The following TOPAZ1 variants were observed in gnomAD, a reference collection of about 807,000 sequenced individuals.
The protein encoded by TOPAZ1 is protein TOPAZ1.
A neutral mutation model predicts 172.2 loss-of-function variants in TOPAZ1; 66 were observed. The observed-to-expected ratio is 0.38, with a 90% CI of 0.31 to 0.47. TOPAZ1 has a LOEUF of 0.47. TOPAZ1 is among the 20% of genes least tolerant of loss of function. TOPAZ1 has a pLI of 0.99. For synonymous variants in TOPAZ1, 681 were observed against 683.9 expected, an observed-to-expected ratio of 1.00 and a Z score of 0.07; for missense variants, 1,822 against 1,972.4, an observed-to-expected ratio of 0.92 and a Z score of 1.44.
chr3:44,247,177 A>G (rs1281519700), intron 2 of TOPAZ1, among the ~76,000 whole-genome samples: 3 of 152,232 alleles, frequency 2.0e-5, no homozygotes, highest in African/African-American at 4.8e-5. Flanking sequence ...GTCTATACAT[A>G]TAAGTGGATA....
intron 12 of TOPAZ1, among the ~76,000 whole-genome samples, chr3:44,296,602 T>C (rs570399780): frequency 6.6e-6 from 1 of 151,910 alleles, no homozygotes; most frequent in South Asian, 2.1e-4. Context: ...AAAACAAAGT[T>C]GATGCAATAT....
At chr3:44,276,947 C>A (rs1030619486) in intron 8 of TOPAZ1, among the ~76,000 whole-genome samples, 2 of 151,818 alleles carry the variant, frequency 1.3e-5, no homozygotes, top group Non-Finnish European at 2.9e-5. Context: ...TATGTCACCA[C>A]GCCCAGCTAA....
downstream of TOPAZ1, among the ~76,000 whole-genome samples, chr3:44,336,365 G>C (rs1700726509): frequency 6.6e-6 from 1 of 152,232 alleles, no homozygotes. Flanking sequence ...CAATATCCAT[G>C]AGGAAAATGG....
At chr3:44,250,712 G>A (rs1212107724) in intron 2 of TOPAZ1, among the ~76,000 whole-genome samples, 1 of 152,128 alleles carries the variant, frequency 6.6e-6, no homozygotes, top group Non-Finnish European at 1.5e-5. Flanking sequence ...AACTACCGCA[G>A]AACATTATTT....
At chr3:44,249,840 AT>A (rs1699609188) in intron 2 of TOPAZ1, among the ~76,000 whole-genome samples, 1 of 152,166 alleles carries the variant, frequency 6.6e-6, no homozygotes, top group Non-Finnish European at 1.5e-5. Context: ...GGGAAATAAG[AT>A]TTTATAAGTA....
At chr3:44,287,114 G>A (rs903495750) in intron 9 of TOPAZ1, among the ~76,000 whole-genome samples, 1 of 152,114 alleles carries the variant, frequency 6.6e-6, no homozygotes, top group African/African-American at 2.4e-5. Context: ...TCATATTGAC[G>A]CTATGATGTA....
At chr3:44,304,711 CA>C (rs1468056244) in intron 13 of TOPAZ1, among the ~76,000 whole-genome samples, 1 of 151,982 alleles carries the variant, frequency 6.6e-6, no homozygotes, top group Non-Finnish European at 1.5e-5. Flanking sequence ...ACGTAGTGTC[CA>C]AAACGATATG....
Position 44,243,190 on chromosome 3 carries a change from T to TTGCAATTGG in TOPAZ1, c.692_693insGTGCAATTG (p.Asn230_Cys231insTrpCysAsn). On this transcript the variant is annotated inframe_insertion, in exon 2 of 20. Coordinates refer to ENST00000309765, the MANE Select transcript of TOPAZ1 (RefSeq NM_001145030.2). ...ATAATTCCGTTTTAAAATTACGTGA[T>TTGCAATTGG]TGCAATTGTTTCCCCCATTCCAAGG... 6.5e-7 allele frequency: 1 copy of TTGCAATTGG among 1,548,678 alleles called. No homozygotes were observed. Among genetic ancestry groups the TTGCAATTGG allele is most frequent in the Non-Finnish European group, 8.7e-7 (1 of 1,146,072 alleles).
At position 44,249,277 on chromosome 3, in the gene TOPAZ1, C is replaced by T. The variant is rs1437318357; in HGVS notation, c.2765+4006C>T. ...GAGTGGGGGACTAATGTGTTTTAAA[C>T]AAAAGTATATAAACTGAAGTACTAA... is the stretch of plus-strand genomic sequence containing the variant. On this transcript the variant is annotated intron_variant, in intron 2 of 19. Coordinates refer to ENST00000309765, the MANE Select transcript of TOPAZ1 (RefSeq NM_001145030.2). Among the ~76,000 whole-genome samples the T allele has an allele frequency of 2.0e-5, 3 of 151,146 alleles. No homozygotes were observed. The East Asian group carries it at 5.8e-4, about 29-fold the overall frequency.
intron 6 of TOPAZ1, among the ~76,000 whole-genome samples, chr3:44,267,884 A>G (rs1699849751): frequency 6.6e-6 from 1 of 152,212 alleles, no homozygotes; most frequent in South Asian, 2.1e-4. Flanking sequence ...ATACTATAAC[A>G]GCAAGCCCAT....
chr3:44,286,943 G>T (rs1368746314), intron 9 of TOPAZ1, among the ~76,000 whole-genome samples: 1 of 152,174 alleles, frequency 6.6e-6, no homozygotes, highest in African/African-American at 2.4e-5. Flanking sequence ...CCATGACAAG[G>T]CAGGGAGAAG....
intron 9 of TOPAZ1, among the ~76,000 whole-genome samples, chr3:44,287,110 T>G (rs1282142439): frequency 2.0e-5 from 3 of 152,230 alleles, no homozygotes; most frequent in Non-Finnish European, 2.9e-5. Flanking sequence ...GAGCTCATAT[T>G]GACGCTATGA....
chr3:44,325,166 A>G (rs1289906668), intron 18 of TOPAZ1, among the ~76,000 whole-genome samples: 1 of 152,094 alleles, frequency 6.6e-6, no homozygotes, highest in East Asian at 1.9e-4. Context: ...CTCCTTTTGG[A>G]TTTATTTTCA....
At chr3:44,301,532 T>C (rs778814986) in intron 12 of TOPAZ1, among the ~76,000 whole-genome samples, 4 of 152,216 alleles carry the variant, frequency 2.6e-5, no homozygotes, top group Non-Finnish European at 4.4e-5. Context: ...CTTTCTAACA[T>C]AATGTGTTAG....
rs9846786 is a variant in TOPAZ1, at chr3:44,271,841, A to G, written c.3372+1031A>G. Among the ~76,000 whole-genome samples the G allele has an allele frequency of 8.1e-3, 1,225 of 151,406 alleles. 17 individuals are homozygous for G. The highest frequency in any genetic ancestry group is 0.028 in the African/African-American group (1,174 of 41,332). Reference sequence around the variant, plus strand: ...CCACTCCATACAATAGATATCAAAGAAAAAAAAACTTTTTCTTCCTGTTTA... The same window carrying G: ...CCACTCCATACAATAGATATCAAAGGAAAAAAAACTTTTTCTTCCTGTTTA... On this transcript the variant is annotated intron_variant, in intron 8 of 19. Coordinates refer to ENST00000309765, the MANE Select transcript of TOPAZ1 (RefSeq NM_001145030.2).
intron 11 of TOPAZ1, among the ~76,000 whole-genome samples, chr3:44,289,247 A>G (rs547993451): frequency 1.3e-5 from 2 of 152,342 alleles, no homozygotes; most frequent in Admixed American, 1.3e-4. Flanking sequence ...TTAGACCACC[A>G]GTGACCCTTT....
chr3:44,251,264 G>T (rs569963934), intron 2 of TOPAZ1, among the ~76,000 whole-genome samples: 1 of 152,064 alleles, frequency 6.6e-6, no homozygotes, highest in Non-Finnish European at 1.5e-5. Flanking sequence ...GGGGCTACAG[G>T]TGCATGCCGC....
rs1380645869 is a variant in TOPAZ1 at position 44,269,095 on chromosome 3, C to A, written c.3161-121C>A. The stretch of plus-strand genomic sequence containing the variant: ...CACACATGGCAGCACAGTCTGTGAA[C>A]TGAATATGAATATTTCAAAGTGAAA... On this transcript the variant is annotated intron_variant, in intron 6 of 19. Transcript: ENST00000309765. The A allele has an allele frequency of 6.5e-5, 44 of 678,558 alleles. No homozygotes were observed. In the Admixed American group the frequency reaches 1.1e-3, roughly 17 times the overall value. The allele number at this position is 678,558 out of a possible 1,614,324, so 42.0% of individuals were successfully genotyped here. A position where few individuals can be genotyped will look rare whatever the true frequency, so the allele number is the denominator to read the frequency against.
chr3:44,309,755 A>ATAAT (rs1373292347), intron 15 of TOPAZ1, 70 bp from the exon 16 acceptor site: 7 of 1,145,548 alleles, frequency 6.1e-6, no homozygotes, highest in Non-Finnish European at 8.5e-6. Flanking sequence ...TGGCTTGTGA[A>ATAAT]TAATTATCAG....
Sources: gnomAD v4.1 joint callset for allele counts (sites outside exome capture counted in the v4.1 genomes callset) on GRCh38, gnomAD v4.1.1 for gene constraint, MANE v1.5 for transcripts, NCBI Gene and HGNC (gene_info 2026-07-23, HGNC 2026-07-21) for gene names.